The following ADAMTS5 variants were observed in gnomAD, a reference collection of about 807,000 sequenced individuals.
The protein encoded by ADAMTS5 is A disintegrin and metalloproteinase with thrombospondin motifs 5.
In ADAMTS5, 54 loss-of-function variants were observed where a neutral mutation model predicts 81.4. The observed-to-expected ratio is 0.66, with a 90% CI of 0.53 to 0.83. ADAMTS5 has a LOEUF of 0.83. Among genes scored for constraint, ADAMTS5 ranks in the 40% least tolerant of loss-of-function variants. The pLI is 0.00. For missense variants in ADAMTS5, 1,194 were observed against 1,229.9 expected, an observed-to-expected ratio of 0.97 and a Z score of 0.44; for synonymous variants, 532 against 508.8, an observed-to-expected ratio of 1.05 and a Z score of -0.61.
In ADAMTS5 at chr21:26,923,526, C is replaced by T. The variant is rs1986740649; in HGVS notation, c.*527G>A. The T allele has an allele frequency of 6.5e-6, 1 of 152,726 alleles. No homozygotes were observed. Among genetic ancestry groups the T allele is most frequent in the African/African-American group, 2.4e-5 (1 of 41,450 alleles). 9.5% of individuals were successfully genotyped at this position (152,726 alleles called of 1,614,324 possible). A position where few individuals can be genotyped will look rare whatever the true frequency, so the allele number is the denominator to read the frequency against. ...AAGTTCTTAATTTCCAGTAAAATATCCACAGCTCTTTCTGGAAACGGAAGG... is the reference window on the plus strand; with the variant it reads ...AAGTTCTTAATTTCCAGTAAAATATTCACAGCTCTTTCTGGAAACGGAAGG... On this transcript the variant is annotated 3_prime_UTR_variant, in exon 8 of 8. Transcript: ENST00000284987.
rs1986980133 is a variant in ADAMTS5 at position 26,934,696 on chromosome 21, G to T, written c.1459C>A (p.Pro487Thr). 6.2e-7 allele frequency: 1 copy of T among 1,614,074 alleles called. No homozygotes were observed. Among genetic ancestry groups the T allele is most frequent in the African/African-American group, 1.3e-5 (1 of 74,910 alleles). Residue 487 changes from proline to threonine, a missense_variant, in exon 4 of 8, where the codon CCA (proline) becomes ACA (threonine). Around this residue, in one of 2 missense-constraint regions of ADAMTS5, gnomAD observed 696 missense variants for 817.6 expected, o/e 0.85. Transcript: ENST00000284987. The stretch of plus-strand genomic sequence containing the variant: ...TGGGTGGCATCGTAGGTCTGTCCTG[G>T]GAGTTCTTCGGGGCCCAGGATCTGC... The part of the protein sequence containing the change: ...RKQILGPEEL[P>T]GQTYDATQQC...
chr21:26,963,766 C>T (rs962879077), intron 1 of ADAMTS5, among the ~76,000 whole-genome samples: 4 of 148,710 alleles, frequency 2.7e-5, no homozygotes, highest in African/African-American at 7.4e-5. Context: ...AATGTTCTAC[C>T]GCTTCAAAGA....
chr21:26,945,879 A>G (rs1432377509), intron 2 of ADAMTS5, among the ~76,000 whole-genome samples: 1 of 152,208 alleles, frequency 6.6e-6, no homozygotes, highest in Non-Finnish European at 1.5e-5. Context: ...GCTTCACCTC[A>G]GCAAGGGGAT....
intron 1 of ADAMTS5, among the ~76,000 whole-genome samples, chr21:26,963,281 A>C (rs548105427): frequency 5.9e-5 from 9 of 152,098 alleles, no homozygotes; most frequent in Admixed American, 2.0e-4. Context: ...TTGGAAAAAT[A>C]GGGACAGTTA....
At chr21:26,928,223 C>T (rs1986839152) in intron 7 of ADAMTS5, among the ~76,000 whole-genome samples, 1 of 152,000 alleles carries the variant, frequency 6.6e-6, no homozygotes, top group African/African-American at 2.4e-5. Context: ...ATCATTGAGC[C>T]AAAGCTTGAT....
chr21:26,927,919 G>A (rs1384975735), intron 7 of ADAMTS5, among the ~76,000 whole-genome samples: 1 of 152,122 alleles, frequency 6.6e-6, no homozygotes, highest in Non-Finnish European at 1.5e-5. Flanking sequence ...TGGATGTGGG[G>A]TGTGAGAGAA....
chr21:26,920,253 G>A lies in ADAMTS5; in HGVS notation c.*3800C>T, dbSNP rs552402482. 1.3e-5 allele frequency: 2 copies of A among 152,210 alleles called. No individual in the cohort carries two copies. The highest frequency in any genetic ancestry group is 4.1e-4 in the South Asian group (2 of 4,830). 9.4% of individuals were successfully genotyped at this position (152,210 alleles called of 1,614,324 possible). A position where few individuals can be genotyped will look rare whatever the true frequency, so the allele number is the denominator to read the frequency against. On this transcript the variant is annotated 3_prime_UTR_variant, in exon 8 of 8. Transcript: ENST00000284987. ...AATATCACAACCAGAGATTGGCTGTGTGTCCAAGGGTGCTTTGTCTTGTTG... is the reference window on the plus strand; with the variant it reads ...AATATCACAACCAGAGATTGGCTGTATGTCCAAGGGTGCTTTGTCTTGTTG...
chr21:26,960,575 A>C (rs1987511055), intron 1 of ADAMTS5, among the ~76,000 whole-genome samples: 1 of 152,202 alleles, frequency 6.6e-6, no homozygotes, highest in Non-Finnish European at 1.5e-5. Context: ...GTGAGTACAC[A>C]GTGAGAGGGT....
In ADAMTS5 at chr21:26,965,651, A is replaced by T. The variant is rs778669912; in HGVS notation, c.741T>A (p.Ala247=). The part of the protein sequence containing the change: ...QLLDQSALSP[A]GGSGPQTWWR... ...ACCACGTCTGCGGTCCTGAGCCCCC[A>T]GCGGGCGAGAGAGCGGACTGGTCCA... is the stretch of plus-strand genomic sequence containing the variant. The change falls in exon 1 of 8, where the codon GCT becomes GCA. Residue 247 remains alanine (A), a synonymous_variant. Transcript: ENST00000284987. 1.9e-6 allele frequency: 3 copies of T among 1,593,718 alleles called. No individual in the cohort carries two copies. The highest frequency in any genetic ancestry group is 1.7e-6 in the Non-Finnish European group (2 of 1,172,568).
intron 1 of ADAMTS5, among the ~76,000 whole-genome samples, chr21:26,962,856 C>T (rs936818167): frequency 6.6e-6 from 1 of 151,576 alleles, no homozygotes; most frequent in Non-Finnish European, 1.5e-5. Flanking sequence ...CATCTCTCCT[C>T]CAGACTTCTT....
chr21:26,952,914 G>A (rs573143560), intron 2 of ADAMTS5, among the ~76,000 whole-genome samples: 2 of 152,242 alleles, frequency 1.3e-5, no homozygotes, highest in East Asian at 3.9e-4. Context: ...CTTAGTTTCC[G>A]GTGCAGATCG....
At chr21:26,963,251 A>ACAAAG (rs1987564262) in intron 1 of ADAMTS5, among the ~76,000 whole-genome samples, 1 of 152,030 alleles carries the variant, frequency 6.6e-6, no homozygotes, top group South Asian at 2.1e-4. Flanking sequence ...TATTTAAAAT[A>ACAAAG]TGCTGTTAAG....
chr21:26,955,132 C>T (rs1393583147), intron 1 of ADAMTS5, among the ~76,000 whole-genome samples: 2 of 152,118 alleles, frequency 1.3e-5, no homozygotes, highest in Non-Finnish European at 2.9e-5. Context: ...ACAATAGCAC[C>T]CGCAGCTTTA....
chr21:26,964,676 T>C (rs1229154561), intron 1 of ADAMTS5, among the ~76,000 whole-genome samples: 2 of 152,186 alleles, frequency 1.3e-5, no homozygotes, highest in African/African-American at 4.8e-5. Context: ...CCGCCCACAT[T>C]CCTTCCTTCC....
chr21:26,924,234 C>T lies in ADAMTS5; in HGVS notation c.2612G>A (p.Gly871Glu), dbSNP rs1180480267. ...CCACTGCGGCTGCGAAGTGTGTGAT[C>T]CCACTTTATTGCTGCCATGACTAGT... ...SVTSHGSNKV[G>E]SHTSQPQWVT... The change falls in exon 8 of 8, where the codon GGA becomes GAA. Residue 871 changes from glycine (G) to glutamate (E), a missense_variant. By Grantham distance (98) the Gly-to-Glu change is moderately conservative (BLOSUM62 -2). This residue lies in a region of ADAMTS5 where 696 missense variants were observed against 817.6 expected (regional missense o/e 0.85). Transcript: ENST00000284987. 5.6e-6 allele frequency: 9 copies of T among 1,614,062 alleles called. No homozygotes were observed. Among genetic ancestry groups the T allele is most frequent in the Non-Finnish European group, 7.6e-6 (9 of 1,180,040 alleles).
intron 2 of ADAMTS5, among the ~76,000 whole-genome samples, chr21:26,943,887 ACG>A (rs1987163670): frequency 6.6e-6 from 1 of 152,040 alleles, no homozygotes; most frequent in African/African-American, 2.4e-5. Context: ...AGCCCTCACC[ACG>A]TATCATTTTG....
chr21:26,927,769 A>T (rs1986831180), intron 7 of ADAMTS5, among the ~76,000 whole-genome samples: 1 of 152,060 alleles, frequency 6.6e-6, no homozygotes, highest in South Asian at 2.1e-4. Context: ...AAGGATCCAG[A>T]GGTCAGCGAG....
At chr21:26,934,016 A>T (rs933526185) in intron 4 of ADAMTS5, among the ~76,000 whole-genome samples, 1 of 152,152 alleles carries the variant, frequency 6.6e-6, no homozygotes. Context: ...CTAAATTTAG[A>T]TTAACTTATT....
chr21:26,942,193 A>G (rs1193811074), intron 3 of ADAMTS5, among the ~76,000 whole-genome samples: 1 of 152,160 alleles, frequency 6.6e-6, no homozygotes, highest in Non-Finnish European at 1.5e-5. Context: ...ACTCCATGGT[A>G]TCAGAGAACT....
Sources: gnomAD v4.1 joint callset for allele counts (sites outside exome capture counted in the v4.1 genomes callset) on GRCh38, gnomAD v4.1.1 for gene constraint, gnomAD v4.1.1 regional missense constraint, MANE v1.5 for transcripts, NCBI Gene and HGNC (gene_info 2026-07-23, HGNC 2026-07-21) for gene names.